DCLK1: variants seen among roughly 807,000 people sequenced by gnomAD.
DCLK1 encodes the protein serine/threonine-protein kinase DCLK1.
A neutral mutation model predicts 86.2 loss-of-function variants in DCLK1; 16 were observed. The ratio of observed to expected loss-of-function variants is 0.19; its 90% CI spans 0.13 to 0.28. The LOEUF (loss-of-function observed/expected upper bound fraction) is 0.28, where lower values mean the gene tolerates loss of function less well. Among genes scored for constraint, DCLK1 ranks in the 10% least tolerant of loss-of-function variants. The probability of loss-of-function intolerance (pLI) is 1.00; values close to 1 mark genes in which losing one functional copy is unlikely to be tolerated. For missense variants in DCLK1, 590 were observed against 940.2 expected (o/e 0.63, Z 4.87); for synonymous variants, 369 against 370.5 (o/e 1.00, Z 0.05).
intron 3 of DCLK1, among the ~76,000 whole-genome samples, chr13:35,974,548 C>A (rs1222515153): frequency 1.4e-4 from 21 of 152,128 alleles, no homozygotes; most frequent in Admixed American, 1.4e-3. Context: ...TTGCTGTTCT[C>A]GTGATAGTGA....
Position 35,770,692 on chromosome 13 carries a change from T to C in DCLK1, c.*3843A>G, listed in dbSNP as rs927940073. On this transcript the variant is annotated 3_prime_UTR_variant, in exon 17 of 17. Transcript: ENST00000360631. The stretch of plus-strand genomic sequence containing the variant: ...TATAGAAAAGATATGTTATCTACAA[T>C]ATATGCCAGGTGACCCATTAAATTT... 2.6e-5 allele frequency: 4 copies of C among 152,218 alleles called. No homozygotes were observed. The highest frequency in any genetic ancestry group is 5.9e-5 in the Non-Finnish European group (4 of 68,036). The allele number at this position is 152,218 out of a possible 1,614,324, so 9.4% of individuals were successfully genotyped here.
chr13:35,800,002 A>T lies in DCLK1; in HGVS notation c.1944+5697T>A, dbSNP rs566239731. Among the ~76,000 whole-genome samples the T allele has an allele frequency of 2.0e-5, 3 of 152,356 alleles. No individual in the cohort carries two copies. In the East Asian group the frequency reaches 5.8e-4, roughly 29 times the overall value. On this transcript the variant is annotated intron_variant, in intron 15 of 16. Coordinates refer to ENST00000360631, the MANE Select transcript of DCLK1 (RefSeq NM_001330071.2). ...TGGTATTTTGTAACTACATTAAACA[A>T]AGTAGCTGTGATGCTGGAGAAAGTA...
At chr13:35,878,317 C>G (rs774717946) in intron 4 of DCLK1, among the ~76,000 whole-genome samples, 3 of 152,302 alleles carry the variant, frequency 2.0e-5, no homozygotes, top group Non-Finnish European at 2.9e-5. Flanking sequence ...GGGCCTGCAT[C>G]TAGTAAGAAC....
chr13:35,827,365 A>G (rs1471768065), intron 10 of DCLK1, among the ~76,000 whole-genome samples: 2 of 152,116 alleles, frequency 1.3e-5, no homozygotes, highest in East Asian at 3.9e-4. Context: ...CCCCACAATA[A>G]CACCATTAAG....
intron 3 of DCLK1, 119 bp downstream of exon 3, chr13:36,111,750 T>C (rs1369895697): frequency 2.6e-5 from 21 of 799,066 alleles, no homozygotes; most frequent in Non-Finnish European, 3.5e-5. Context: ...ACATATTTGT[T>C]GATCAAGTGA....
In DCLK1 at chr13:36,118,085, CA is replaced by C. The variant is rs36075533; in HGVS notation, c.377-5871del. On this transcript the variant is annotated intron_variant, in intron 2 of 16. Transcript: ENST00000360631. ...TCTCTGATATATTAAAACATTTTCT[CA>C]AAAAAAAATGAAATAAAAATGATTC... Among the ~76,000 whole-genome samples the C allele has an allele frequency of 2.8e-4, 42 of 151,328 alleles. 1 individual carries two copies. The Middle Eastern group carries it at 0.014, about 49-fold the overall frequency.
At chr13:36,096,866 C>G (rs1044846070) in intron 3 of DCLK1, among the ~76,000 whole-genome samples, 1 of 152,116 alleles carries the variant, frequency 6.6e-6, no homozygotes, top group Non-Finnish European at 1.5e-5. Context: ...TTCCATCCTG[C>G]CATGAACATG....
chr13:35,795,071 G>C (rs573675425), intron 15 of DCLK1, among the ~76,000 whole-genome samples: 1 of 152,336 alleles, frequency 6.6e-6, no homozygotes, highest in African/African-American at 2.4e-5. Context: ...CTGCATGGCT[G>C]GATGGCTCAG....
chr13:35,837,076 G>A (rs10507432), intron 7 of DCLK1, among the ~76,000 whole-genome samples: 5,774 of 152,220 alleles, frequency 0.038, 340 homozygotes, highest in African/African-American at 0.13. Flanking sequence ...CTCCTCTTCC[G>A]ACCTTTCGTC....
At chr13:36,088,131 G>T (rs898513826) in intron 3 of DCLK1, among the ~76,000 whole-genome samples, 1 of 152,216 alleles carries the variant, frequency 6.6e-6, no homozygotes, top group South Asian at 2.1e-4. Flanking sequence ...CATCCTAGTG[G>T]TTATGCAAAG....
chr13:36,030,354 T>G (rs984858761), intron 3 of DCLK1, among the ~76,000 whole-genome samples: 1 of 152,084 alleles, frequency 6.6e-6, no homozygotes, highest in Non-Finnish European at 1.5e-5. Context: ...TGGAGTGCAG[T>G]GGCACGATCT....
chr13:35,819,918 T>C (rs1053900427), intron 11 of DCLK1, among the ~76,000 whole-genome samples: 1 of 152,218 alleles, frequency 6.6e-6, no homozygotes, highest in Non-Finnish European at 1.5e-5. Flanking sequence ...TTATGTTATC[T>C]TCATCAAATC....
At chr13:35,868,232 A>G (rs1872000876) in intron 5 of DCLK1, among the ~76,000 whole-genome samples, 1 of 152,098 alleles carries the variant, frequency 6.6e-6, no homozygotes. Context: ...TGTGTTAGCC[A>G]GGATGGTCTC....
chr13:35,924,160 T>C (rs139298667), intron 4 of DCLK1, among the ~76,000 whole-genome samples: 60 of 152,304 alleles, frequency 3.9e-4, no homozygotes, highest in Middle Eastern at 3.4e-3. Flanking sequence ...TGTGTGCAGC[T>C]GCCTCATCTG....
intron 3 of DCLK1, among the ~76,000 whole-genome samples, chr13:35,968,799 A>G (rs1878912381): frequency 6.6e-6 from 1 of 152,188 alleles, no homozygotes; most frequent in Non-Finnish European, 1.5e-5. Context: ...AACAAGAAGA[A>G]AAAACCTTAC....
At chr13:36,099,623 A>G (rs1284107288) in intron 3 of DCLK1, among the ~76,000 whole-genome samples, 1 of 152,200 alleles carries the variant, frequency 6.6e-6, no homozygotes, top group East Asian at 1.9e-4. Flanking sequence ...ATGTTTCCGG[A>G]TCTAACAAGT....
chr13:35,842,228 CAAAAAAAAAAAAAAAA>C (rs35862851), intron 6 of DCLK1, among the ~76,000 whole-genome samples: 1 of 35,130 alleles, frequency 2.8e-5, no homozygotes, highest in East Asian at 1.5e-3. Context: ...GACTCCATCT[CAAAAAAAAAAAAAAAA>C]AAAAAAAAAA....
intron 3 of DCLK1, among the ~76,000 whole-genome samples, chr13:36,103,443 G>GAA (rs1003112894): frequency 6.8e-6 from 1 of 146,200 alleles, no homozygotes. Flanking sequence ...AAAAAAGACC[G>GAA]AAATATGAGC....
At chr13:36,034,805 A>G (rs960201396) in intron 3 of DCLK1, among the ~76,000 whole-genome samples, 1 of 152,124 alleles carries the variant, frequency 6.6e-6, no homozygotes, top group Non-Finnish European at 1.5e-5. Context: ...AAATTTCTAT[A>G]TATTTAACAA....
Sources: gnomAD v4.1 joint callset for allele counts (sites outside exome capture counted in the v4.1 genomes callset) on GRCh38, gnomAD v4.1.1 for gene constraint, MANE v1.5 for transcripts, NCBI Gene and HGNC (gene_info 2026-07-23, HGNC 2026-07-21) for gene names.